The following ATM variants were observed in gnomAD, a reference collection of about 807,000 sequenced individuals.
ATM encodes ATM serine/threonine kinase.
In ATM, 308 loss-of-function variants were observed where a neutral mutation model predicts 387.0. The ratio of observed to expected loss-of-function variants is 0.80; its 90% CI spans 0.73 to 0.87. The LOEUF is 0.87. Among genes scored for constraint, ATM ranks in the 40% least tolerant of loss-of-function variants. ATM has a pLI of 0.00. For missense variants in ATM, 3,312 were observed against 3,560.9 expected (o/e 0.93, Z 1.78); for synonymous variants, 1,156 against 1,187.3 (o/e 0.97, Z 0.54).
intron 61 of ATM, among the ~76,000 whole-genome samples, chr11:108,364,602 A>T (rs1375315592): frequency 6.6e-6 from 1 of 152,166 alleles, no homozygotes; most frequent in Non-Finnish European, 1.5e-5. Context: ...TAGGGTGGAG[A>T]TCAGAATTTC....
rs1555114533 is a variant in ATM, at chr11:108,317,368, T to A, written c.6199-5T>A. The A allele has an allele frequency of 6.2e-7, 1 of 1,610,296 alleles. No homozygotes were observed. Among genetic ancestry groups the A allele is most frequent in the Non-Finnish European group, 8.5e-7 (1 of 1,177,678 alleles). Reference sequence around the variant, plus strand: ...TAACTTAAAAACAAAATAACTCCTGTTTAGGCCTTGCAGAATTTGGGACTC... The same window carrying A: ...TAACTTAAAAACAAAATAACTCCTGATTAGGCCTTGCAGAATTTGGGACTC... On this transcript the variant is annotated splice_region_variant and splice_polypyrimidine_tract_variant and intron_variant, in intron 42 of 62. Coordinates refer to ENST00000675843, the MANE Select transcript of ATM (RefSeq NM_000051.4).
At chr11:108,281,502 C>T (rs561238699) in intron 24 of ATM, among the ~76,000 whole-genome samples, 3 of 152,232 alleles carry the variant, frequency 2.0e-5, no homozygotes, top group African/African-American at 4.8e-5. Flanking sequence ...GTGTTTTGCC[C>T]GGTAGATTCT....
Position 108,327,665 on chromosome 11 carries a change from T to C in ATM, c.6996T>C (p.Leu2332=). The C allele has an allele frequency of 6.2e-7, 1 of 1,613,956 alleles. No individual in the cohort carries two copies. Among genetic ancestry groups the C allele is most frequent in the Non-Finnish European group, 8.5e-7 (1 of 1,179,908 alleles). The change falls in exon 48 of 63, where the codon CTT becomes CTC. Residue 2332 remains leucine (L), a synonymous_variant. Transcript: ENST00000675843. ...SCAANNPSLK[L]TYTECLRVCG... is the part of the protein sequence containing the mutation. Reference sequence around the variant, plus strand: ...TACAGAACAATCCCAGCCTAAAACTTACATACACAGAATGTCTGAGGGTTT... The same window carrying C: ...TACAGAACAATCCCAGCCTAAAACTCACATACACAGAATGTCTGAGGGTTT...
chr11:108,262,544 G>A (rs1310571853), intron 16 of ATM, among the ~76,000 whole-genome samples: 1 of 152,224 alleles, frequency 6.6e-6, no homozygotes, highest in African/African-American at 2.4e-5. Flanking sequence ...AAAATGTAAA[G>A]ACCATTGAGA....
chr11:108,297,023 C>G, intron 32 of ATM: 1 of 404,298 alleles, frequency 2.5e-6, no homozygotes, highest in Non-Finnish European at 4.6e-6. Context: ...TGTGATTTTG[C>G]TAAGGTGTTG....
intron 29 of ATM, among the ~76,000 whole-genome samples, chr11:108,292,298 T>C (rs965304897): frequency 6.6e-6 from 1 of 152,242 alleles, no homozygotes; most frequent in East Asian, 1.9e-4. Flanking sequence ...GCTTTCCTGC[T>C]GTTTTTCAGT....
At chr11:108,230,340 C>G (rs751684431) in intron 4 of ATM, 2 of 152,152 alleles carry the variant, frequency 1.3e-5, no homozygotes, top group Non-Finnish European at 2.9e-5. Context: ...TGCTTGAACC[C>G]AGGAGGCAGA....
At position 108,310,271 on chromosome 11, in the gene ATM, A is replaced by G. The variant is rs1591746375; in HGVS notation, c.5874A>G (p.Ala1958=). 2 of 1,613,638 alleles carry G rather than the reference A, an allele frequency of 1.2e-6. No homozygotes were observed. Among genetic ancestry groups the G allele is most frequent in the East Asian group, 2.2e-5 (1 of 44,774 alleles). ...CTCACTTTACAGCTTTACTCTATGC[A>G]GAAATCTATGCAGATAAGAAAAGTA... is the stretch of plus-strand genomic sequence containing the variant. ...CAAHFTALLY[A]EIYADKKSMD... The change falls in exon 39 of 63, where the codon GCA becomes GCG. Residue 1958 remains alanine, a synonymous_variant. Transcript: ENST00000675843.
intron 12 of ATM, 123 bp downstream of exon 12, chr11:108,253,035 C>A: frequency 1.3e-6 from 1 of 795,638 alleles, no homozygotes; most frequent in Non-Finnish European, 2.1e-6. Flanking sequence ...AAAAAAATTG[C>A]AACTGTTAGC....
intron 13 of ATM, 119 bp from the exon 14 acceptor site, chr11:108,256,096 T>C (rs765258290): frequency 3.3e-6 from 3 of 913,574 alleles, no homozygotes; most frequent in Non-Finnish European, 4.6e-6. Flanking sequence ...ATGCCACCTT[T>C]AACTCAGTTA....
intron 43 of ATM, among the ~76,000 whole-genome samples, chr11:108,317,755 A>G (rs969047568): frequency 1.3e-5 from 2 of 150,478 alleles, no homozygotes; most frequent in Admixed American, 6.6e-5. Context: ...GTTGCAAGCT[A>G]TAGATAGCCC....
rs1476268748 is a variant in ATM at position 108,268,446 on chromosome 11, A to G, written c.2675A>G (p.Lys892Arg). 1 of 1,613,896 alleles carries G rather than the reference A, an allele frequency of 6.2e-7. No homozygotes were observed. Among genetic ancestry groups the G allele is most frequent in the Non-Finnish European group, 8.5e-7 (1 of 1,180,004 alleles). ...CCTTTAGCTGAAGAATATCTGTCAA[A>G]GCAAGATCTACTTTTCTTAGACATG... ...INPLAEEYLS[K>R]QDLLFLDMLK... The change falls in exon 18 of 63, where the codon AAG becomes AGG. Residue 892 changes from lysine to arginine, a missense_variant. Physicochemically the swap from Lys to Arg is conservative, Grantham distance 26 (BLOSUM62 2). Around this residue, in one of 4 missense-constraint regions of ATM, gnomAD observed 1,791 missense variants for 1,804.5 expected, o/e 0.99. Transcript: ENST00000675843.
In ATM at chr11:108,334,086, G is replaced by T; in HGVS notation, c.8010+118G>T. On this transcript the variant is annotated intron_variant, in intron 54 of 62. Transcript: ENST00000675843. ...GGTTAAATATTGGCAAATTTCATATGTTTCAACCTATAATTTCTCAGTATT... is the reference window on the plus strand; with the variant it reads ...GGTTAAATATTGGCAAATTTCATATTTTTCAACCTATAATTTCTCAGTATT... 3 of 759,064 alleles carry T rather than the reference G, an allele frequency of 4.0e-6. No homozygotes were observed. The Admixed American group carries it at 6.5e-5, about 17-fold the overall frequency. 47.0% of individuals were successfully genotyped at this position (759,064 alleles called of 1,614,324 possible). A position where few individuals can be genotyped will look rare whatever the true frequency, so the allele number is the denominator to read the frequency against.
intron 32 of ATM, 46 bp from the exon 33 acceptor site, chr11:108,297,241 T>G (rs1356386827): frequency 6.8e-7 from 1 of 1,467,522 alleles, no homozygotes; most frequent in Non-Finnish European, 9.5e-7. Context: ...AACAAAAGTG[T>G]TGTCTTCATG....
chr11:108,263,124 A>G (rs1370148784), intron 16 of ATM, among the ~76,000 whole-genome samples: 1 of 150,416 alleles, frequency 6.6e-6, no homozygotes, highest in Non-Finnish European at 1.5e-5. Context: ...TCAGCTCTGC[A>G]CCAAGCAGAC....
In ATM at chr11:108,301,705, TG is replaced by T; in HGVS notation, c.5237del (p.Gly1746AspfsTer10). The T allele has an allele frequency of 6.2e-7, 1 of 1,613,800 alleles. No individual in the cohort carries two copies. On this transcript the variant is annotated frameshift_variant, in exon 35 of 63. Transcript: ENST00000675843. LOFTEE classifies it high-confidence loss of function. ...TGAAAAACATTTTAGCCACAAAGAC[TG>T]GACATAGTTTCTGGGAGATTTATAA... ...CLKNILATKTGHSFWEIYKMT... is the reference protein window; with the variant it reads ...CLKNILATKTXHSFWEIYKMT...
intron 48 of ATM, among the ~76,000 whole-genome samples, 168 bp from the exon 49 acceptor site, chr11:108,328,853 A>T (rs941109799): frequency 6.6e-6 from 1 of 152,214 alleles, no homozygotes; most frequent in East Asian, 1.9e-4. Context: ...CCTGGGCCAC[A>T]TGCGGCCCAT....
Position 108,282,881 on chromosome 11 carries a change from T to C in ATM, c.3746+2T>C. On this transcript the variant is annotated splice_donor_variant, in intron 25 of 62. Coordinates refer to ENST00000675843, the MANE Select transcript of ATM (RefSeq NM_000051.4). LOFTEE classifies it high-confidence loss of function. The stretch of plus-strand genomic sequence containing the variant: ...CACAAATATTGAGGATTTCTATAGG[T>C]AAGTTTATACATGACATATGTGAAA... 6.8e-7 allele frequency: 1 copy of C among 1,469,418 alleles called. No homozygotes were observed. Among genetic ancestry groups the C allele is most frequent in the Non-Finnish European group, 9.5e-7 (1 of 1,054,286 alleles). 91.0% of individuals were successfully genotyped at this position (1,469,418 alleles called of 1,614,324 possible).
chr11:108,256,425 A>G, intron 14 of ATM, 85 bp downstream of exon 14: 1 of 1,404,002 alleles, frequency 7.1e-7, no homozygotes, highest in Non-Finnish European at 9.9e-7. Context: ...TTTGGAAGAC[A>G]TTAAATTTTA....
Sources: gnomAD v4.1 joint callset for allele counts (sites outside exome capture counted in the v4.1 genomes callset) on GRCh38, gnomAD v4.1.1 for gene constraint, gnomAD v4.1.1 regional missense constraint, MANE v1.5 for transcripts, NCBI Gene and HGNC (gene_info 2026-07-23, HGNC 2026-07-21) for gene names.